The following TMEM132C variants were observed in gnomAD, a reference collection of about 807,000 sequenced individuals.
TMEM132C encodes the protein transmembrane protein 132C, also known as protein phosphatase 1, regulatory subunit 152.
In TMEM132C, 29 loss-of-function variants were observed where a neutral mutation model predicts 61.4. The observed-to-expected ratio is 0.47, with a 90% CI of 0.35 to 0.64. TMEM132C has a LOEUF of 0.64. Ranked by LOEUF, TMEM132C falls within the 30% of genes least tolerant of loss-of-function variation. The pLI, the probability that TMEM132C is intolerant of heterozygous loss-of-function variation, is 0.00. For missense variants in TMEM132C, 1,408 were observed against 1,476.9 expected, an observed-to-expected ratio of 0.95 and a Z score of 0.76; for synonymous variants, 656 against 633.1, an observed-to-expected ratio of 1.04 and a Z score of -0.54.
chr12:128,534,058 T>C (rs1873429433), intron 2 of TMEM132C, among the ~76,000 whole-genome samples: 1 of 152,154 alleles, frequency 6.6e-6, no homozygotes, highest in Non-Finnish European at 1.5e-5. Flanking sequence ...AAGAAGATTG[T>C]AGCTGACCAT....
At chr12:128,312,057 T>C (rs1003798247) in intron 1 of TMEM132C, among the ~76,000 whole-genome samples, 1 of 152,164 alleles carries the variant, frequency 6.6e-6, no homozygotes, top group African/African-American at 2.4e-5. Context: ...GTGGAGACTC[T>C]TCAGGGCAGC....
chr12:128,383,746 T>C (rs941271609), intron 1 of TMEM132C, among the ~76,000 whole-genome samples: 5 of 152,168 alleles, frequency 3.3e-5, no homozygotes, highest in Non-Finnish European at 7.3e-5. Context: ...ACACCATTAA[T>C]GCAGTAAGGA....
chr12:128,402,703 G>A (rs1199302537), intron 1 of TMEM132C, among the ~76,000 whole-genome samples: 3 of 152,274 alleles, frequency 2.0e-5, no homozygotes, highest in Non-Finnish European at 2.9e-5. Context: ...AATCGGCCAC[G>A]TGGCCACCAG....
intron 2 of TMEM132C, among the ~76,000 whole-genome samples, chr12:128,480,730 C>T (rs1871292145): frequency 6.6e-6 from 1 of 152,302 alleles, no homozygotes; most frequent in East Asian, 1.9e-4. Context: ...GACTGTGAGA[C>T]CTGAACAGCC....
rs10847668 is a variant in TMEM132C at position 128,680,862 on chromosome 12, G to A, written c.1449+11302G>A. Among the ~76,000 whole-genome samples, 4 of 152,276 alleles carry A rather than the reference G, an allele frequency of 2.6e-5. No individual in the cohort carries two copies. In the East Asian group the frequency reaches 7.7e-4, roughly 29 times the overall value. On this transcript the variant is annotated intron_variant, in intron 5 of 8. Coordinates refer to ENST00000435159, the MANE Select transcript of TMEM132C (RefSeq NM_001136103.3). The stretch of plus-strand genomic sequence containing the variant: ...TCAGATTTTACTTGAGCCAAATAGG[G>A]CTCCATGTGAGTGCACTTAAATGGA...
chr12:128,561,260 G>C (rs1026636671), intron 3 of TMEM132C, among the ~76,000 whole-genome samples: 1 of 152,222 alleles, frequency 6.6e-6, no homozygotes, highest in African/African-American at 2.4e-5. Flanking sequence ...AGAACTTCAT[G>C]GCTTTGCCCA....
At chr12:128,626,034 A>G (rs1018102827) in intron 4 of TMEM132C, among the ~76,000 whole-genome samples, 9 of 152,140 alleles carry the variant, frequency 5.9e-5, no homozygotes, top group Admixed American at 1.3e-4. Context: ...AAAGTAAAGC[A>G]CTACATCTTA....
rs765152564 is a variant in TMEM132C at position 128,705,418 on chromosome 12, T to G, written c.2450T>G (p.Ile817Ser). The change falls in exon 9 of 9, where the codon ATC (isoleucine) becomes AGC (serine). Residue 817 changes from isoleucine (I) to serine (S), a missense_variant. Ile to Ser is a moderately radical substitution (Grantham distance 142). Coordinates refer to ENST00000435159, the MANE Select transcript of TMEM132C (RefSeq NM_001136103.3). ...GGCGGGGACTATGAGGAAGATGAGATCAAGAACCACGCCAGCGACCGCCGG... is the reference window on the plus strand; with the variant it reads ...GGCGGGGACTATGAGGAAGATGAGAGCAAGAACCACGCCAGCGACCGCCGG... Reference protein sequence around the residue: ...SPGGDYEEDEIKNHASDRRQK... With the variant: ...SPGGDYEEDESKNHASDRRQK... The G allele has an allele frequency of 1.9e-6, 3 of 1,550,782 alleles. No individual in the cohort carries two copies. The highest frequency in any genetic ancestry group is 2.6e-6 in the Non-Finnish European group (3 of 1,146,962).
In TMEM132C at chr12:128,630,014, T is replaced by C. The variant is rs912082416; in HGVS notation, c.1305+13679T>C. On this transcript the variant is annotated intron_variant, in intron 4 of 8. Transcript: ENST00000435159. This position sits in a 1 kb window ranked among gnomAD's most constrained non-coding sequence, Gnocchi z 4.3. ...AAGAGGGTAGATCTCATATTACCTG[T>C]TCTTACCATAATAAAATAAATTTTA... 1.3e-5 allele frequency among the ~76,000 whole-genome samples: 2 copies of C among 149,172 alleles called. No homozygotes were observed. Among genetic ancestry groups the C allele is most frequent in the Non-Finnish European group, 3.0e-5 (2 of 67,386 alleles).
At chr12:128,453,164 C>T (rs1342386416) in intron 2 of TMEM132C, among the ~76,000 whole-genome samples, 2 of 152,170 alleles carry the variant, frequency 1.3e-5, no homozygotes, top group East Asian at 1.9e-4. Flanking sequence ...TGCCTGACTC[C>T]GTTTTCTAGT....
chr12:128,605,732 A>T (rs1876399578), intron 3 of TMEM132C, among the ~76,000 whole-genome samples: 1 of 152,130 alleles, frequency 6.6e-6, no homozygotes, highest in Non-Finnish European at 1.5e-5. Flanking sequence ...GTTTTCCCTC[A>T]TTCCCCTTTT....
At chr12:128,444,237 A>G (rs370713936) in intron 2 of TMEM132C, among the ~76,000 whole-genome samples, 6 of 152,078 alleles carry the variant, frequency 3.9e-5, no homozygotes, top group South Asian at 2.1e-4. Flanking sequence ...TCCTTCTTCA[A>G]GTTCTTTGTA....
intron 3 of TMEM132C, among the ~76,000 whole-genome samples, chr12:128,545,209 G>T (rs2136150023): frequency 6.6e-6 from 1 of 152,286 alleles, no homozygotes; most frequent in South Asian, 2.1e-4. Context: ...ACTTATAAGT[G>T]AGAACATGGA....
chr12:128,395,114 T>A (rs768421174), intron 1 of TMEM132C, among the ~76,000 whole-genome samples: 1 of 151,466 alleles, frequency 6.6e-6, no homozygotes, highest in African/African-American at 2.4e-5. Context: ...TGTGTTTCAG[T>A]TTCTTGTTAT....
At chr12:128,663,432 A>C (rs976162801) in intron 4 of TMEM132C, among the ~76,000 whole-genome samples, 1 of 152,216 alleles carries the variant, frequency 6.6e-6, no homozygotes, top group Non-Finnish European at 1.5e-5. Context: ...TTTGTGGCTG[A>C]ATAGTCTTCC....
chr12:128,517,469 G>A (rs1872758474), intron 2 of TMEM132C, among the ~76,000 whole-genome samples: 1 of 152,006 alleles, frequency 6.6e-6, no homozygotes, highest in Admixed American at 6.6e-5. Flanking sequence ...TTAATAATTT[G>A]CATGCTAAAG....
At chr12:128,688,946 A>G (rs1478152258) in intron 5 of TMEM132C, among the ~76,000 whole-genome samples, 1 of 151,578 alleles carries the variant, frequency 6.6e-6, no homozygotes, top group African/African-American at 2.4e-5. Flanking sequence ...GGCATGCACC[A>G]CCATGTCTGG....
At chr12:128,680,671 G>A (rs148423375) in intron 5 of TMEM132C, among the ~76,000 whole-genome samples, 2 of 152,304 alleles carry the variant, frequency 1.3e-5, no homozygotes, top group African/African-American at 4.8e-5. Context: ...TTGACTGGTA[G>A]GAGCTATGCC....
In TMEM132C at chr12:128,613,833, C is replaced by T. The variant is rs148472823; in HGVS notation, c.1122-2319C>T. On this transcript the variant is annotated intron_variant, in intron 3 of 8. Coordinates refer to ENST00000435159, the MANE Select transcript of TMEM132C (RefSeq NM_001136103.3). ...GGAATGGTGCACTCGATATTAGTGC[C>T]CCAGCAAAGGAAAGTGTTTCACTGC... Among the ~76,000 whole-genome samples the T allele has an allele frequency of 2.8e-3, 425 of 152,282 alleles. 4 individuals carry two copies. Among genetic ancestry groups the T allele is most frequent in the African/African-American group, 9.6e-3 (401 of 41,560 alleles).
Sources: allele counts gnomAD v4.1 joint callset (sites outside exome capture counted in the v4.1 genomes callset), GRCh38; gene constraint gnomAD v4.1.1; non-coding constraint Gnocchi (gnomAD v3.1); transcripts MANE v1.5; gene names NCBI Gene and HGNC (gene_info 2026-07-23, HGNC 2026-07-21).